TMEM255A: variants seen among roughly 807,000 people sequenced by gnomAD.
TMEM255A encodes the protein transmembrane protein 255A.
TMEM255A carries 14 observed loss-of-function variants against 23.5 expected under a neutral mutation model. That is an observed-to-expected ratio of 0.60 (90% CI 0.39 to 0.93). The LOEUF is 0.93. Ranked by LOEUF, TMEM255A falls within the 40% of genes least tolerant of loss-of-function variation. The probability of loss-of-function intolerance (pLI) is 0.00; values close to 1 mark genes in which losing one functional copy is unlikely to be tolerated. For synonymous variants in TMEM255A, 104 were observed against 100.3 expected (o/e 1.04, Z -0.22); for missense variants, 233 against 261.7 (o/e 0.89, Z 0.76).
rs1453812483 is a variant in TMEM255A, at chrX:120,262,028, G to A, written c.820-1000C>T. 2.7e-5 allele frequency among the ~76,000 whole-genome samples: 3 copies of A among 112,008 alleles called. No individual in the cohort carries two copies. In the East Asian group the frequency reaches 8.3e-4, roughly 31 times the overall value. On this transcript the variant is annotated intron_variant, in intron 8 of 8. Transcript: ENST00000371369. Reference sequence around the variant, plus strand: ...ATCTAGGCCGGGCGCGGTGGCTAACGCCTGTAATCCCAGCACTGTAGGAGG... The same window carrying A: ...ATCTAGGCCGGGCGCGGTGGCTAACACCTGTAATCCCAGCACTGTAGGAGG...
At chrX:120,255,426 T>G, downstream of TMEM255A, 11 of 1,195,372 alleles carry the variant, frequency 9.2e-6, no homozygotes, top group Non-Finnish European at 1.2e-5. Flanking sequence ...AATACCAGAG[T>G]CTTACTAAAC....
intron 1 of TMEM255A, among the ~76,000 whole-genome samples, chrX:120,306,485 T>C (rs963804400): frequency 9.0e-6 from 1 of 111,545 alleles, no homozygotes; most frequent in African/African-American, 3.3e-5. Context: ...CTTACCAACA[T>C]TGCCTCCCAT....
intron 2 of TMEM255A, among the ~76,000 whole-genome samples, chrX:120,298,017 G>A (rs1357075875): frequency 2.7e-5 from 3 of 110,851 alleles, no homozygotes; most frequent in East Asian, 2.8e-4. Flanking sequence ...ATCATGTAAT[G>A]TTCAGACCTT....
intron 8 of TMEM255A, among the ~76,000 whole-genome samples, chrX:120,261,944 T>G (rs782620140): frequency 7.2e-5 from 8 of 111,641 alleles, no homozygotes; most frequent in Non-Finnish European, 1.3e-4. Flanking sequence ...AAATCTTGAA[T>G]GAGTGAATAC....
At chrX:120,274,837 C>T (rs1023086244) in intron 7 of TMEM255A, among the ~76,000 whole-genome samples, 1 of 111,814 alleles carries the variant, frequency 8.9e-6, no homozygotes, top group Admixed American at 9.4e-5. Flanking sequence ...GAGGGGGAAG[C>T]CTTACAGGCA....
At chrX:120,292,382 C>CT (rs1389008957) in intron 3 of TMEM255A, among the ~76,000 whole-genome samples, 1 of 111,215 alleles carries the variant, frequency 9.0e-6, no homozygotes, top group African/African-American at 3.3e-5. Flanking sequence ...GGAATCAGCA[C>CT]TTTTTTTCCC....
downstream of TMEM255A, chrX:120,255,024 C>T (rs782082472): frequency 1.7e-6 from 2 of 1,211,734 alleles, no homozygotes; most frequent in Non-Finnish European, 2.2e-6. Context: ...TGCAGAATAT[C>T]GCACAAAGCA....
chrX:120,284,310 G>A lies in TMEM255A; in HGVS notation c.512+817C>T, dbSNP rs183378066. Among the ~76,000 whole-genome samples, 37 of 112,314 alleles carry A rather than the reference G, an allele frequency of 3.3e-4. No homozygotes were observed. In the East Asian group the frequency reaches 8.6e-3, roughly 26 times the overall value. ...AAAGGATGTTTTAGCAATTTGGAGT[G>A]CACAGAGCCAGAGTGGCTGTAGCAG... is the stretch of plus-strand genomic sequence containing the variant. On this transcript the variant is annotated intron_variant, in intron 6 of 8. Transcript: ENST00000371369.
intron 7 of TMEM255A, among the ~76,000 whole-genome samples, chrX:120,271,359 G>A (rs1324274823): frequency 1.8e-5 from 2 of 111,654 alleles, no homozygotes; most frequent in Non-Finnish European, 3.8e-5. Flanking sequence ...CAAGTCACTT[G>A]ACCCCTCTTG....
Position 120,276,898 on chromosome X carries a change from C to A in TMEM255A, c.662G>T (p.Gly221Val). ...TTCTTTCCTTACCATGTCCTTAAAG[C>A]CTCCAAGGACAGCGGCAGTGATGAT... ...LGIITAAVLGGFKDMNPTLPA... is the reference protein window; with the variant it reads ...LGIITAAVLGVFKDMNPTLPA... Residue 221 changes from glycine to valine, a missense_variant, in exon 7 of 9, where the codon GGC becomes GTC. By Grantham distance (109) the Gly-to-Val change is moderately radical. Coordinates refer to ENST00000371369, the MANE Select transcript of TMEM255A (RefSeq NM_001104544.3). The A allele has an allele frequency of 8.3e-7, 1 of 1,210,571 alleles. No homozygotes were observed. The highest frequency in any genetic ancestry group is 1.7e-5 in the African/African-American group (1 of 57,828).
chrX:120,267,574 T>C (rs2057725674), intron 8 of TMEM255A, among the ~76,000 whole-genome samples: 1 of 112,465 alleles, frequency 8.9e-6, no homozygotes, highest in Non-Finnish European at 1.9e-5. Context: ...ATGCAATGAA[T>C]TCCTTTTAAG....
At chrX:120,285,465 T>C (rs782720900) in intron 5 of TMEM255A, among the ~76,000 whole-genome samples, 1 of 110,229 alleles carries the variant, frequency 9.1e-6, no homozygotes, top group East Asian at 2.8e-4. Flanking sequence ...ATGGTGGAGA[T>C]GGAGAGAAGG....
At chrX:120,293,223 C>T (rs1385581669) in intron 3 of TMEM255A, among the ~76,000 whole-genome samples, 1 of 112,619 alleles carries the variant, frequency 8.9e-6, no homozygotes, top group East Asian at 2.8e-4. Flanking sequence ...CATCTGACCA[C>T]TCACCAGGCA....
chrX:120,295,718 T>G (rs2057949453), intron 2 of TMEM255A, among the ~76,000 whole-genome samples: 1 of 112,060 alleles, frequency 8.9e-6, no homozygotes, highest in African/African-American at 3.3e-5. Flanking sequence ...CTGGTTAAGC[T>G]CTCTAAACCT....
chrX:120,289,786 A>G (rs1485669698), intron 4 of TMEM255A, among the ~76,000 whole-genome samples: 8 of 112,465 alleles, frequency 7.1e-5, no homozygotes, highest in Non-Finnish European at 1.3e-4. Flanking sequence ...ATGTACACCA[A>G]CTAGTGAACG....
Position 120,287,308 on chromosome X carries a change from T to TACACACACACACACACACACAC in TMEM255A, c.355-108_355-87dup, listed in dbSNP as rs3842485. On this transcript the variant is annotated intron_variant, in intron 4 of 8. Coordinates refer to ENST00000371369, the MANE Select transcript of TMEM255A (RefSeq NM_001104544.3). ...TGTACTTGGTAATAAAAGGTTTGAA[T>TACACACACACACACACACACAC]ACACACACACACACACACACACACA... The TACACACACACACACACACACAC allele has an allele frequency of 1.4e-3, 655 of 463,000 alleles. 18 individuals carry two copies. Among genetic ancestry groups the TACACACACACACACACACACAC allele is most frequent in the South Asian group, 3.9e-3 (110 of 28,129 alleles). 38.2% of individuals were successfully genotyped at this position (463,000 alleles called of 1,213,427 possible).
chrX:120,255,794 A>G (rs2057634446), downstream of TMEM255A: 1 of 156,336 alleles, frequency 6.4e-6, no homozygotes, highest in Non-Finnish European at 1.3e-5. Context: ...TTCCCCTTCC[A>G]TGTTAGCACT....
At position 120,311,365 on chromosome X, in the gene TMEM255A, C is replaced by G. The variant is rs2058100945; in HGVS notation, c.-56G>C. 9.7e-7 allele frequency: 1 copy of G among 1,030,430 alleles called. No homozygotes were observed. Among genetic ancestry groups the G allele is most frequent in the Non-Finnish European group, 1.3e-6 (1 of 747,530 alleles). The allele number at this position is 1,030,430 out of a possible 1,213,427, so 84.9% of individuals were successfully genotyped here. On this transcript the variant is annotated 5_prime_UTR_variant, in exon 1 of 9. Coordinates refer to ENST00000371369, the MANE Select transcript of TMEM255A (RefSeq NM_001104544.3). ...GAAGCTGCTTCAAGCGCCCCCGGCT[C>G]TGGGCGCCCCGCAGAGCATCCTACT...
At chrX:120,311,147 G>A in intron 1 of TMEM255A, 105 bp downstream of exon 1, 1 of 782,725 alleles carries the variant, frequency 1.3e-6, no homozygotes. Flanking sequence ...TCCATGCCCC[G>A]TTTCCCGCTC....
Sources: gnomAD v4.1 joint callset for allele counts (sites outside exome capture counted in the v4.1 genomes callset) on GRCh38, gnomAD v4.1.1 for gene constraint, MANE v1.5 for transcripts, NCBI Gene and HGNC (gene_info 2026-07-23, HGNC 2026-07-21) for gene names.